Variants in TEP1 observed in about 807,000 individuals in gnomAD.
TEP1 encodes the protein telomerase associated protein 1, also known as telomerase protein component 1.
Under a neutral mutation model 306.3 loss-of-function variants are expected in TEP1, and 241 were observed. The observed-to-expected ratio is 0.79, with a 90% CI of 0.71 to 0.88. The LOEUF is 0.88. Among genes scored for constraint, TEP1 ranks in the 40% least tolerant of loss-of-function variants. TEP1 has a pLI of 0.00. For synonymous variants in TEP1, 1,289 were observed against 1,305.5 expected, an observed-to-expected ratio of 0.99 and a Z score of 0.27; for missense variants, 3,051 against 3,276.1, an observed-to-expected ratio of 0.93 and a Z score of 1.68.
In TEP1 at chr14:20,366,788, C is replaced by T. The variant is rs1299969594; in HGVS notation, c.*1649G>A. On this transcript the variant is annotated 3_prime_UTR_variant, in exon 55 of 55. Transcript: ENST00000262715. Reference sequence around the variant, plus strand: ...TGTAATAGCCTTCACTTATCTCCTACAAGTCCTTGAATTCTTGGCCACAGA... The same window carrying T: ...TGTAATAGCCTTCACTTATCTCCTATAAGTCCTTGAATTCTTGGCCACAGA... 6.6e-6 allele frequency: 1 copy of T among 152,238 alleles called. No homozygotes were observed. Among genetic ancestry groups the T allele is most frequent in the East Asian group, 1.9e-4 (1 of 5,198 alleles). 9.4% of individuals were successfully genotyped at this position (152,238 alleles called of 1,614,324 possible). A position where few individuals can be genotyped will look rare whatever the true frequency, so the allele number is the denominator to read the frequency against.
At chr14:20,400,685 T>C (rs1878634294) in intron 9 of TEP1, 3 of 278,040 alleles carry the variant, frequency 1.1e-5, no homozygotes, top group African/African-American at 2.1e-5. Context: ...TTTTTTGGAA[T>C]GAGTTACAGA....
At position 20,381,072 on chromosome 14, in the gene TEP1, G is replaced by A; in HGVS notation, c.4648-27C>T. 1 of 1,568,174 alleles carries A rather than the reference G, an allele frequency of 6.4e-7. No homozygotes were observed. The highest frequency in any genetic ancestry group is 1.1e-5 in the South Asian group (1 of 90,066). ...TGAGAAGGTCAGATTGAATTCATTAGGGATATGAAGGGGCTGGTGAGAAGG... is the reference window on the plus strand; with the variant it reads ...TGAGAAGGTCAGATTGAATTCATTAAGGATATGAAGGGGCTGGTGAGAAGG... On this transcript the variant is annotated intron_variant, in intron 32 of 54. Transcript: ENST00000262715. This position sits in a 1 kb window ranked among gnomAD's most constrained non-coding sequence, Gnocchi z 4.0.
rs546099962 is a variant in TEP1 at position 20,411,186 on chromosome 14, C to T, written c.-25+2219G>A. 2.6e-5 allele frequency among the ~76,000 whole-genome samples: 4 copies of T among 152,326 alleles called. No homozygotes were observed. In the South Asian group the frequency reaches 8.3e-4, roughly 32 times the overall value. ...GGCTCCTTTGTCTTGCTCCCCTCTG[C>T]ATCTTCAGCATCATACACAAAACCC... On this transcript the variant is annotated intron_variant, in intron 1 of 54. Coordinates refer to ENST00000262715, the MANE Select transcript of TEP1 (RefSeq NM_007110.5).
At chr14:20,389,357 C>G (rs942443855) in intron 16 of TEP1, 60 bp from the exon 17 acceptor site, 49 of 1,575,830 alleles carry the variant, frequency 3.1e-5, no homozygotes, top group Non-Finnish European at 3.6e-5. Flanking sequence ...ACAGTCACTG[C>G]CCACTAACAT....
chr14:20,373,605 G>C (rs542221929), intron 45 of TEP1, 22 bp from the exon 46 acceptor site: 1 of 1,614,214 alleles, frequency 6.2e-7, no homozygotes, highest in Non-Finnish European at 8.5e-7. Context: ...CAGAGACTGA[G>C]TCAGAAGAAG....
rs1166787153 is a variant in TEP1 at position 20,404,694 on chromosome 14, C to T, written c.949G>A (p.Ala317Thr). Residue 317 changes from alanine to threonine, a missense_variant, in exon 5 of 55, where the codon GCG (alanine) becomes ACG (threonine). Transcript: ENST00000262715. Reference sequence around the variant, plus strand: ...TATCGTCGCAGGTGGGGGCGACACGCCGGCAAGAAAGCAGCAATGGCCAAG... The same window carrying T: ...TATCGTCGCAGGTGGGGGCGACACGTCGGCAAGAAAGCAGCAATGGCCAAG... Reference protein sequence around the residue: ...NILAIAAFLPACRPHLRRYFC... With the variant: ...NILAIAAFLPTCRPHLRRYFC... 4 of 1,614,180 alleles carry T rather than the reference C, an allele frequency of 2.5e-6. No homozygotes were observed. In the Admixed American group the frequency reaches 5.0e-5, roughly 20 times the overall value.
intron 27 of TEP1, 127 bp from the exon 28 acceptor site, chr14:20,382,842 G>T: frequency 1.2e-6 from 1 of 841,826 alleles, no homozygotes; most frequent in Non-Finnish European, 1.9e-6. Flanking sequence ...CAGGTCCATG[G>T]CATCATCCCA....
At position 20,377,329 on chromosome 14, in the gene TEP1, C is replaced by T; in HGVS notation, c.6039G>A (p.Lys2013=). The T allele has an allele frequency of 6.2e-7, 1 of 1,614,170 alleles. No individual in the cohort carries two copies. Among genetic ancestry groups the T allele is most frequent in the Admixed American group, 1.7e-5 (1 of 60,010 alleles). The stretch of plus-strand genomic sequence containing the variant: ...GGGAAGTGGCCAGTCCTAGCACAGG[C>T]TTCTGGAATCTGGACAGGAGCCAGA... ...QSLWLLSRFQ[K]PVLGLATSQE... is the part of the protein sequence containing the mutation. The change falls in exon 41 of 55, where the codon AAG becomes AAA. Residue 2013 remains lysine, a synonymous_variant. Transcript: ENST00000262715.
rs758170545 is a variant in TEP1 at position 20,385,130 on chromosome 14, G to A, written c.2983-21C>T. 3.1e-6 allele frequency: 5 copies of A among 1,613,194 alleles called. No homozygotes were observed. In the African/African-American group the frequency reaches 5.3e-5, roughly 17 times the overall value. ...TGGGCCTGCGGGGAGGACAGAGACAGTGAGTTTAGTCCTAGGCCACAATGA... is the reference window on the plus strand; with the variant it reads ...TGGGCCTGCGGGGAGGACAGAGACAATGAGTTTAGTCCTAGGCCACAATGA... On this transcript the variant is annotated intron_variant, in intron 20 of 54. Coordinates refer to ENST00000262715, the MANE Select transcript of TEP1 (RefSeq NM_007110.5).
chr14:20,378,847 C>T lies in TEP1; in HGVS notation c.5259G>A (p.Leu1753=), dbSNP rs145413343. 5.0e-6 allele frequency: 8 copies of T among 1,614,240 alleles called. No individual in the cohort carries two copies. Among genetic ancestry groups the T allele is most frequent in the Non-Finnish European group, 5.9e-6 (7 of 1,180,036 alleles). Residue 1753 remains leucine, a synonymous_variant, in exon 37 of 55, where the codon CTG becomes CTA. Transcript: ENST00000262715. ...TTTGGTACTGGTGAGCCTTAGTCTG[C>T]AGCACCCTATCCCAGGAAGATGAAG... The part of the protein sequence containing the change: ...LWDLQHGCRV[L]QTKAHQYQIT...
chr14:20,383,129 C>A, intron 27 of TEP1, 45 bp downstream of exon 27: 1 of 1,536,468 alleles, frequency 6.5e-7, no homozygotes, highest in Non-Finnish European at 8.7e-7. Context: ...CTCATAGCTC[C>A]CAGATTCACC....
Position 20,391,604 on chromosome 14 carries a change from G to A in TEP1, c.2092C>T (p.Gln698Ter). ...ADRLCPKSNP[Q>*]GPPLNYALLL... ...GATGCTTTTTGTTTTCTTACCCCTT[G>A]TGGGTTGCTCTTTGGACAGAGCCTG... Residue 698 changes from glutamine to a stop codon, truncating the protein, a stop_gained, in exon 13 of 55, where the codon CAA (glutamine) becomes TAA (stop). Coordinates refer to ENST00000262715, the MANE Select transcript of TEP1 (RefSeq NM_007110.5). LOFTEE classifies it high-confidence loss of function. 11 of 1,612,976 alleles carry A rather than the reference G, an allele frequency of 6.8e-6. No homozygotes were observed. Among genetic ancestry groups the A allele is most frequent in the Non-Finnish European group, 9.3e-6 (11 of 1,179,374 alleles).
Position 20,373,683 on chromosome 14 carries a change from C to A in TEP1, c.6599G>T (p.Arg2200Leu), listed in dbSNP as rs142740802. ...ISHCAAAMEP[R>L]AAGQPGSELL... ...GGTGGCTGACGTTTTGTTACCTGCA[C>A]GGGGCTCCATGGCAGCTGCACAGTG... The change falls in exon 45 of 55, where the codon CGT (arginine) becomes CTT (leucine). Residue 2200 changes from arginine (R) to leucine (L), a missense_variant. Arg to Leu is a moderately radical substitution (Grantham distance 102, BLOSUM62 -2). Around this residue, in one of 3 missense-constraint regions of TEP1, gnomAD observed 1,540 missense variants for 1,705.9 expected, o/e 0.90. Transcript: ENST00000262715. 1.2e-6 allele frequency: 2 copies of A among 1,613,994 alleles called. No homozygotes were observed. Among genetic ancestry groups the A allele is most frequent in the African/African-American group, 2.7e-5 (2 of 74,908 alleles).
intron 21 of TEP1, 110 bp from the exon 22 acceptor site, chr14:20,384,823 T>G (rs563433513): frequency 6.8e-7 from 1 of 1,478,052 alleles, no homozygotes; most frequent in East Asian, 2.3e-5. Flanking sequence ...AGTAGAGAGC[T>G]CCTGACTCCA....
chr14:20,412,088 C>T (rs966870820), intron 1 of TEP1, among the ~76,000 whole-genome samples: 3 of 152,190 alleles, frequency 2.0e-5, no homozygotes, highest in Non-Finnish European at 2.9e-5. Context: ...GTACAGAACA[C>T]TTCCAAGAAG....
At position 20,396,709 on chromosome 14, in the gene TEP1, A is replaced by G. The variant is rs1878232502; in HGVS notation, c.1571T>C (p.Met524Thr). ...ELIENGKLPFMAMLRNLCNLL... is the reference protein window; with the variant it reads ...ELIENGKLPFTAMLRNLCNLL... ...GTTGCACAGGTTCCGAAGCATGGCC[A>G]TGAAGGGAAGCTTCCCATTTTCTGT... Residue 524 changes from methionine (M) to threonine (T), a missense_variant, in exon 10 of 55, where the codon ATG becomes ACG. By Grantham distance (81) the Met-to-Thr change is moderately conservative. This residue lies in a region of TEP1 where 1,507 missense variants were observed against 1,550.5 expected (regional missense o/e 0.97). Transcript: ENST00000262715. 3.1e-6 allele frequency: 5 copies of G among 1,609,346 alleles called. No individual in the cohort carries two copies. The highest frequency in any genetic ancestry group is 4.3e-6 in the Non-Finnish European group (5 of 1,176,426).
intron 41 of TEP1, 129 bp downstream of exon 41, chr14:20,377,151 G>A: frequency 4.2e-6 from 3 of 722,460 alleles, no homozygotes; most frequent in South Asian, 2.4e-5. Context: ...GGAGGCAGAA[G>A]TTGCAGTGAG....
chr14:20,369,373 G>T lies in TEP1; in HGVS notation c.7627C>A (p.Pro2543Thr). The T allele has an allele frequency of 6.2e-7, 1 of 1,613,952 alleles. No individual in the cohort carries two copies. The highest frequency in any genetic ancestry group is 2.2e-5 in the East Asian group (1 of 44,892). The change falls in exon 53 of 55, where the codon CCA becomes ACA. Residue 2543 changes from proline (P) to threonine (T), a missense_variant. Physicochemically the swap from Pro to Thr is conservative, Grantham distance 38. Transcript: ENST00000262715. The stretch of plus-strand genomic sequence containing the variant: ...CTACGCTGCCGTGTCTTTAGATGTG[G>T]TGTTGGCTCACTATCCATGCTGGCA... Reference protein sequence around the residue: ...SDASMDSEPTPHLKTRQRRKI... With the variant: ...SDASMDSEPTTHLKTRQRRKI...
intron 48 of TEP1, 31 bp downstream of exon 48, chr14:20,372,980 C>A (rs1555320572): frequency 6.2e-7 from 1 of 1,613,966 alleles, no homozygotes; most frequent in East Asian, 2.2e-5. Context: ...AGAATTCACA[C>A]AGACAAAGAA....
Sources: allele counts gnomAD v4.1 joint callset (sites outside exome capture counted in the v4.1 genomes callset), GRCh38; gene constraint gnomAD v4.1.1; regional missense constraint gnomAD v4.1.1; non-coding constraint Gnocchi (gnomAD v3.1); transcripts MANE v1.5; gene names NCBI Gene and HGNC (gene_info 2026-07-23, HGNC 2026-07-21).